The following MAN1A2 variants were observed in gnomAD, a reference collection of about 807,000 sequenced individuals.
MAN1A2 encodes the protein mannosyl-oligosaccharide 1,2-alpha-mannosidase IB.
A neutral mutation model predicts 75.7 loss-of-function variants in MAN1A2; 26 were observed. The ratio of observed to expected loss-of-function variants is 0.34; its 90% confidence interval spans 0.25 to 0.48. The LOEUF is 0.48. MAN1A2 is among the 20% of genes least tolerant of loss of function. The probability of loss-of-function intolerance (pLI) is 0.99; values close to 1 mark genes in which losing one functional copy is unlikely to be tolerated. For synonymous variants in MAN1A2, 247 were observed against 264.6 expected (o/e 0.93, Z 0.65); for missense variants, 562 against 775.5 (o/e 0.72, Z 3.27).
At position 117,367,870 on chromosome 1, in the gene MAN1A2, G is replaced by A. The variant is rs1317264356; in HGVS notation, c.-314G>A. ...CAGGAATGGAAGAACCCACCTTGCA[G>A]CTTTTCTGCAGTGTGGCTTGCCTGA... is the stretch of plus-strand genomic sequence containing the variant. On this transcript the variant is annotated 5_prime_UTR_variant, in exon 1 of 13. Transcript: ENST00000356554. 1 of 271,000 alleles carries A rather than the reference G, an allele frequency of 3.7e-6. No individual in the cohort carries two copies. The highest frequency in any genetic ancestry group is 7.5e-5 in the East Asian group (1 of 13,288). The allele number at this position is 271,000 out of a possible 1,614,324, so 16.8% of individuals were successfully genotyped here.
chr1:117,367,454 C>A lies in MAN1A2; in HGVS notation c.-730C>A, dbSNP rs542054739. On this transcript the variant is annotated 5_prime_UTR_variant, in exon 1 of 13. Coordinates refer to ENST00000356554, the MANE Select transcript of MAN1A2 (RefSeq NM_006699.5). ...AGGAAGTTCCGCTCCCTGACAGACC[C>A]GTGCGGTAGCAACAGCGGCGGCGGC... is the stretch of plus-strand genomic sequence containing the variant. The A allele has an allele frequency of 9.1e-5, 14 of 154,066 alleles. No individual in the cohort carries two copies. The South Asian group carries it at 2.6e-3, about 28-fold the overall frequency. 9.5% of individuals were successfully genotyped at this position (154,066 alleles called of 1,614,324 possible). A position where few individuals can be genotyped will look rare whatever the true frequency, so the allele number is the denominator to read the frequency against.
chr1:117,463,634 T>C (rs1342401508), intron 7 of MAN1A2, among the ~76,000 whole-genome samples: 2 of 151,916 alleles, frequency 1.3e-5, no homozygotes, highest in African/African-American at 2.4e-5. Flanking sequence ...TGTGCAAACA[T>C]ACTGCTAGAA....
intron 12 of MAN1A2, among the ~76,000 whole-genome samples, chr1:117,518,081 C>G (rs1295361922): frequency 6.6e-6 from 1 of 151,914 alleles, no homozygotes; most frequent in South Asian, 2.1e-4. Flanking sequence ...ATATTTGCCA[C>G]TGAAGATTGA....
At chr1:117,374,477 A>C (rs552631465) in intron 1 of MAN1A2, among the ~76,000 whole-genome samples, 174 of 152,118 alleles carry the variant, frequency 1.1e-3, no homozygotes, top group African/African-American at 4.0e-3. Context: ...TCTGCACTGG[A>C]GTTTTATTTT....
At chr1:117,481,395 G>A (rs77953932) in intron 8 of MAN1A2, among the ~76,000 whole-genome samples, 2,351 of 151,702 alleles carry the variant, frequency 0.015, 28 homozygotes, top group Non-Finnish European at 0.025. Flanking sequence ...TCTGGGCTCT[G>A]CTCCCCATCA....
chr1:117,447,392 AT>A (rs1649270014), intron 6 of MAN1A2, among the ~76,000 whole-genome samples: 1 of 152,112 alleles, frequency 6.6e-6, no homozygotes, highest in African/African-American at 2.4e-5. Context: ...TTTTAATATT[AT>A]CAAAAAATAT....
rs530822590 is a variant in MAN1A2 at position 117,521,514 on chromosome 1, AT to A, written c.1794-1310del. On this transcript the variant is annotated intron_variant, in intron 12 of 12. Coordinates refer to ENST00000356554, the MANE Select transcript of MAN1A2 (RefSeq NM_006699.5). ...CTGCAAGAATGGCCATAATCAAAAA[AT>A]CAAAAAACACTATATGTGGGCGTGG... Among the ~76,000 whole-genome samples the A allele has an allele frequency of 5.8e-3, 878 of 152,092 alleles. 10 individuals are homozygous for A. The highest frequency in any genetic ancestry group is 0.02 in the African/African-American group (834 of 41,536).
Position 117,445,862 on chromosome 1 carries a change from G to C in MAN1A2, c.950+3537G>C, listed in dbSNP as rs1433256353. On this transcript the variant is annotated intron_variant, in intron 6 of 12. Transcript: ENST00000356554. ...TATTTGTGTGTGTGTGTGTGTGTAT[G>C]TGTGTGTGTGTCTGTGTGTGTGTAT... is the stretch of plus-strand genomic sequence containing the variant. 1.2e-3 allele frequency among the ~76,000 whole-genome samples: 117 copies of C among 99,636 alleles called. 1 individual carries two copies. Among genetic ancestry groups the C allele is most frequent in the East Asian group, 6.6e-3 (18 of 2,722 alleles). 65.4% of individuals were successfully genotyped at this position (99,636 alleles called of 152,430 possible).
intron 12 of MAN1A2, among the ~76,000 whole-genome samples, chr1:117,511,381 C>T (rs1651530052): frequency 6.6e-6 from 1 of 151,904 alleles, no homozygotes; most frequent in African/African-American, 2.4e-5. Flanking sequence ...TTGCTAATTG[C>T]CCTGGTTGGT....
At chr1:117,399,790 T>C (rs1007662323) in intron 1 of MAN1A2, among the ~76,000 whole-genome samples, 4 of 152,182 alleles carry the variant, frequency 2.6e-5, no homozygotes, top group African/African-American at 9.7e-5. Context: ...ACTTAGCAGG[T>C]AAATGTCCTT....
intron 8 of MAN1A2, among the ~76,000 whole-genome samples, chr1:117,479,639 G>C (rs985716260): frequency 6.6e-6 from 1 of 151,702 alleles, no homozygotes; most frequent in Non-Finnish European, 1.5e-5. Context: ...TAATCATTCT[G>C]ACTGGTGTGA....
At chr1:117,451,206 T>G (rs1424257058) in intron 6 of MAN1A2, among the ~76,000 whole-genome samples, 1 of 152,154 alleles carries the variant, frequency 6.6e-6, no homozygotes, top group South Asian at 2.1e-4. Flanking sequence ...GGAGATCATT[T>G]TGGAGATTTA....
chr1:117,434,747 C>CTG (rs61681259), intron 5 of MAN1A2, among the ~76,000 whole-genome samples: 2,971 of 135,384 alleles, frequency 0.022, 53 homozygotes, highest in Admixed American at 0.07. Flanking sequence ...TTGGTTACAG[C>CTG]TGTGTGTGTG....
At chr1:117,503,278 G>A (rs925262991) in intron 12 of MAN1A2, among the ~76,000 whole-genome samples, 1 of 151,506 alleles carries the variant, frequency 6.6e-6, no homozygotes, top group Non-Finnish European at 1.5e-5. Flanking sequence ...CGAAGTTTCA[G>A]TAGATCTGGA....
At chr1:117,461,392 G>T (rs894907949) in intron 7 of MAN1A2, among the ~76,000 whole-genome samples, 2 of 152,236 alleles carry the variant, frequency 1.3e-5, no homozygotes, top group Middle Eastern at 6.8e-3. Context: ...GGTTATCAGA[G>T]GCTTGGAAGG....
intron 1 of MAN1A2, among the ~76,000 whole-genome samples, chr1:117,391,954 T>C (rs140496502): frequency 1.0e-3 from 154 of 152,288 alleles, no homozygotes; most frequent in East Asian, 9.7e-3. Flanking sequence ...AGGTCTCTTA[T>C]ATTGGTCCTT....
rs771020036 is a variant in MAN1A2 at position 117,368,382 on chromosome 1, G to C, written c.199G>C (p.Asp67His). ...AGACTCTTCAAAACACAAACGCTTT[G>C]ATTTGGGTTTAGAAGATGTGTTAAT... ...LPDSSKHKRF[D>H]LGLEDVLIPH... Residue 67 changes from aspartate (D) to histidine (H), a missense_variant, in exon 1 of 13, where the codon GAT becomes CAT. Asp to His is a moderately conservative substitution (Grantham distance 81). Around this residue, in one of 2 missense-constraint regions of MAN1A2, gnomAD observed 128 missense variants for 129.8 expected, o/e 0.99. Transcript: ENST00000356554. 6.2e-7 allele frequency: 1 copy of C among 1,614,082 alleles called. No individual in the cohort carries two copies. Among genetic ancestry groups the C allele is most frequent in the East Asian group, 2.2e-5 (1 of 44,870 alleles).
At chr1:117,371,884 A>G (rs1652975667) in intron 1 of MAN1A2, among the ~76,000 whole-genome samples, 1 of 151,606 alleles carries the variant, frequency 6.6e-6, no homozygotes, top group Non-Finnish European at 1.5e-5. Flanking sequence ...GGTAATATTC[A>G]AGCCACAACC....
chr1:117,396,485 A>G lies in MAN1A2; in HGVS notation c.303-5701A>G, dbSNP rs988744131. ...GTTAAAAACAATCTTAAAAATATGT[A>G]TATAAGAGAAAGATCATCCAAGTGA... On this transcript the variant is annotated intron_variant, in intron 1 of 12. Transcript: ENST00000356554. Among the ~76,000 whole-genome samples the G allele has an allele frequency of 2.0e-5, 3 of 152,340 alleles. No homozygotes were observed. In the East Asian group the frequency reaches 5.8e-4, roughly 29 times the overall value.
Sources: allele counts gnomAD v4.1 joint callset (sites outside exome capture counted in the v4.1 genomes callset), GRCh38; gene constraint gnomAD v4.1.1; regional missense constraint gnomAD v4.1.1; transcripts MANE v1.5; gene names NCBI Gene and HGNC (gene_info 2026-07-23, HGNC 2026-07-21).